The following TCF7L2 variants were observed in gnomAD, a reference collection of about 807,000 sequenced individuals.
The protein encoded by TCF7L2 is transcription factor 7-like 2.
In TCF7L2, 23 loss-of-function variants were observed where a neutral mutation model predicts 77.9. The observed-to-expected ratio is 0.30, with a 90% CI of 0.21 to 0.42. The LOEUF is 0.42. Ranked by LOEUF, TCF7L2 falls within the 10% of genes least tolerant of loss-of-function variation. TCF7L2 has a pLI of 1.00. For missense variants in TCF7L2, 654 were observed against 793.1 expected, an observed-to-expected ratio of 0.82 and a Z score of 2.11; for synonymous variants, 413 against 340.2, an observed-to-expected ratio of 1.21 and a Z score of -2.36.
At chr10:112,951,185 C>A in intron 1 of TCF7L2, 22 bp from the exon 2 acceptor site, 1 of 1,579,400 alleles carries the variant, frequency 6.3e-7, no homozygotes, top group Non-Finnish European at 8.6e-7. Context: ...CTCGCCCTCC[C>A]CACCTCCACC....
intron 5 of TCF7L2, chr10:113,129,926 T>TG (rs1430893600): frequency 1.5e-6 from 2 of 1,294,910 alleles, no homozygotes; most frequent in Non-Finnish European, 2.0e-6. Context: ...GGAGGCGCAG[T>TG]GGCCTCCGGG....
rs1487188688 is a variant in TCF7L2, at chr10:113,117,014, G to T, written c.553-24170G>T. Among the ~76,000 whole-genome samples, 3 of 152,286 alleles carry T rather than the reference G, an allele frequency of 2.0e-5. No homozygotes were observed. In the East Asian group the frequency reaches 5.8e-4, roughly 29 times the overall value. ...ATTGCAGTCAAATCACAAGCAGAGA[G>T]AACCCATTTGAAACAATATTTAAAA... On this transcript the variant is annotated intron_variant, in intron 5 of 13. Transcript: ENST00000627217.
At chr10:113,163,769 C>A (rs1177352807) in intron 13 of TCF7L2, among the ~76,000 whole-genome samples, 1 of 152,064 alleles carries the variant, frequency 6.6e-6, no homozygotes, top group Non-Finnish European at 1.5e-5. Flanking sequence ...AGGCCACTAG[C>A]CCCCATGAAT....
At chr10:113,015,448 T>C (rs1209977353) in intron 4 of TCF7L2, among the ~76,000 whole-genome samples, 4 of 43,462 alleles carry the variant, frequency 9.2e-5, no homozygotes, top group Admixed American at 6.7e-4. Flanking sequence ...CTGATGAGCT[T>C]TTTTTTTTTT....
chr10:113,145,959 C>CG, intron 7 of TCF7L2, 52 bp from the exon 8 acceptor site: 1 of 794,982 alleles, frequency 1.3e-6, no homozygotes, highest in Admixed American at 2.3e-5. Context: ...TTTTTCTTGT[C>CG]CCCACCCCCA....
chr10:112,967,960 G>T (rs1323573463), intron 4 of TCF7L2, among the ~76,000 whole-genome samples: 5 of 152,178 alleles, frequency 3.3e-5, no homozygotes, highest in South Asian at 2.1e-4. Context: ...TTTTAGAAAA[G>T]ACATTGTTTT....
At chr10:113,005,614 A>C (rs537890258) in intron 4 of TCF7L2, among the ~76,000 whole-genome samples, 2 of 152,056 alleles carry the variant, frequency 1.3e-5, no homozygotes, top group Admixed American at 6.5e-5. Flanking sequence ...ACCCCCTGCC[A>C]CCCTGTTTGC....
In TCF7L2 at chr10:113,127,059, C is replaced by T. The variant is rs547627024; in HGVS notation, c.553-14125C>T. On this transcript the variant is annotated intron_variant, in intron 5 of 13. Transcript: ENST00000627217. ...AGGTTGATGTACCTTGACTGGTAAG[C>T]TGCCGGGGTGGATGCAGTAGATTTA... 2.0e-3 allele frequency: 721 copies of T among 366,950 alleles called. 1 individual carries two copies. The highest frequency in any genetic ancestry group is 2.4e-3 in the Non-Finnish European group (632 of 262,926). 22.7% of individuals were successfully genotyped at this position (366,950 alleles called of 1,614,324 possible).
intron 4 of TCF7L2, among the ~76,000 whole-genome samples, chr10:112,981,014 C>CT (rs1054960324): frequency 6.6e-6 from 1 of 152,156 alleles, no homozygotes; most frequent in African/African-American, 2.4e-5. Flanking sequence ...TATAAAGACA[C>CT]TTTTTTCTTG....
intron 5 of TCF7L2, among the ~76,000 whole-genome samples, chr10:113,127,973 TTGC>T (rs1304857120): frequency 1.3e-5 from 2 of 151,938 alleles, no homozygotes; most frequent in African/African-American, 4.8e-5. Context: ...TAAGTTATTG[TTGC>T]TGAATGATTG....
At chr10:113,153,020 G>A (rs1446542357) in intron 11 of TCF7L2, among the ~76,000 whole-genome samples, 3 of 152,236 alleles carry the variant, frequency 2.0e-5, no homozygotes, top group Non-Finnish European at 4.4e-5. Context: ...GTCAGCCTTT[G>A]GCAGGATGCA....
At chr10:113,128,681 A>C (rs2066057781) in intron 5 of TCF7L2, among the ~76,000 whole-genome samples, 1 of 152,118 alleles carries the variant, frequency 6.6e-6, no homozygotes, top group South Asian at 2.1e-4. Flanking sequence ...AAAAGACCGG[A>C]AAAGCGTTCT....
intron 3 of TCF7L2, among the ~76,000 whole-genome samples, chr10:112,956,157 CGT>C (rs2033534149): frequency 6.6e-6 from 1 of 151,886 alleles, no homozygotes; most frequent in Admixed American, 6.6e-5. Flanking sequence ...TGTGTGGACG[CGT>C]GTTTCTGGAC....
At chr10:113,098,379 G>C (rs967667319) in intron 5 of TCF7L2, among the ~76,000 whole-genome samples, 4 of 152,024 alleles carry the variant, frequency 2.6e-5, no homozygotes, top group Non-Finnish European at 5.9e-5. Context: ...AACGTATGAG[G>C]GTCAAGTGTG....
chr10:112,985,424 C>T (rs1338184142), intron 4 of TCF7L2, among the ~76,000 whole-genome samples: 1 of 152,138 alleles, frequency 6.6e-6, no homozygotes, highest in South Asian at 2.1e-4. Context: ...GACCCCCTCC[C>T]CCAAGACATA....
chr10:112,996,729 G>C (rs1192618128), intron 4 of TCF7L2, among the ~76,000 whole-genome samples: 1 of 152,160 alleles, frequency 6.6e-6, no homozygotes, highest in Non-Finnish European at 1.5e-5. Context: ...ACCCAAAAGG[G>C]GCCAAAGAGA....
chr10:113,136,373 C>T (rs2067396679), intron 5 of TCF7L2, among the ~76,000 whole-genome samples: 1 of 152,176 alleles, frequency 6.6e-6, no homozygotes, highest in African/African-American at 2.4e-5. Flanking sequence ...GGTGGTGTGA[C>T]TTCGGCAGCT....
chr10:113,057,324 C>T (rs529376275), intron 5 of TCF7L2, among the ~76,000 whole-genome samples: 9 of 152,316 alleles, frequency 5.9e-5, no homozygotes, highest in African/African-American at 1.9e-4. Context: ...TGTGCACCAC[C>T]AGGCCCAGCT....
At chr10:113,068,381 A>C (rs970012146) in intron 5 of TCF7L2, among the ~76,000 whole-genome samples, 2 of 152,222 alleles carry the variant, frequency 1.3e-5, no homozygotes, top group African/African-American at 4.8e-5. Flanking sequence ...TGGCCCATCC[A>C]AAAGGCGGTT....
Sources: allele counts gnomAD v4.1 joint callset (sites outside exome capture counted in the v4.1 genomes callset), GRCh38; gene constraint gnomAD v4.1.1; transcripts MANE v1.5; gene names NCBI Gene and HGNC (gene_info 2026-07-23, HGNC 2026-07-21).